MOXD1: variants seen among roughly 807,000 people sequenced by gnomAD.
MOXD1 encodes DBH-like monooxygenase protein 1.
In MOXD1, 62 loss-of-function variants were observed where a neutral mutation model predicts 66.6. That is an observed-to-expected ratio of 0.93 (90% CI 0.76 to 1.15). The LOEUF (loss-of-function observed/expected upper bound fraction) is 1.15. Among genes scored for constraint, MOXD1 ranks in the 50% most tolerant of loss-of-function variants. The pLI is 0.00. For missense variants in MOXD1, 847 were observed against 754.6 expected (o/e 1.12, Z -1.44); for synonymous variants, 303 against 281.9 (o/e 1.07, Z -0.75).
chr6:132,348,780 A>G (rs1434511227), intron 4 of MOXD1, among the ~76,000 whole-genome samples: 1 of 152,164 alleles, frequency 6.6e-6, no homozygotes, highest in African/African-American at 2.4e-5. Context: ...AAGAAATCTA[A>G]CAAAAGAGCA....
intron 4 of MOXD1, among the ~76,000 whole-genome samples, chr6:132,329,286 G>A (rs149413861): frequency 1.3e-5 from 2 of 152,192 alleles, no homozygotes; most frequent in Non-Finnish European, 1.5e-5. Context: ...CCCTACAAAG[G>A]ACACGAACAC....
At chr6:132,325,875 G>A (rs1775174762) in intron 6 of MOXD1, among the ~76,000 whole-genome samples, 1 of 152,120 alleles carries the variant, frequency 6.6e-6, no homozygotes, top group Admixed American at 6.6e-5. Context: ...TCAATCAATT[G>A]TTAAACAAAT....
chr6:132,318,812 T>G (rs1203311714), intron 9 of MOXD1, among the ~76,000 whole-genome samples: 2 of 152,106 alleles, frequency 1.3e-5, no homozygotes, highest in African/African-American at 4.8e-5. Context: ...ATTTAAATAT[T>G]TAATACATCT....
chr6:132,396,998 C>T (rs1776896211), intron 1 of MOXD1, among the ~76,000 whole-genome samples: 1 of 152,154 alleles, frequency 6.6e-6, no homozygotes, highest in Non-Finnish European at 1.5e-5. Context: ...ATCTAGTGGG[C>T]TTGTGACCAC....
At chr6:132,375,651 A>T (rs570910970) in intron 1 of MOXD1, among the ~76,000 whole-genome samples, 29 of 152,098 alleles carry the variant, frequency 1.9e-4, no homozygotes, top group Non-Finnish European at 3.7e-4. Flanking sequence ...CGATCTCCTG[A>T]CCTCGTGATC....
chr6:132,385,299 G>C (rs573181299), intron 1 of MOXD1, among the ~76,000 whole-genome samples: 2 of 152,028 alleles, frequency 1.3e-5, no homozygotes, highest in Non-Finnish European at 2.9e-5. Context: ...ACCAGGGGAG[G>C]GGCTCAGGAC....
At chr6:132,339,075 T>C (rs977311061) in intron 4 of MOXD1, among the ~76,000 whole-genome samples, 1 of 152,220 alleles carries the variant, frequency 6.6e-6, no homozygotes, top group African/African-American at 2.4e-5. Flanking sequence ...TCCATAAATA[T>C]TAATGATATT....
chr6:132,372,574 A>G, intron 4 of MOXD1, 34 bp downstream of exon 4: 1 of 1,528,030 alleles, frequency 6.5e-7, no homozygotes, highest in Non-Finnish European at 9.1e-7. Flanking sequence ...TCCACTCATG[A>G]AAATTAATTT....
chr6:132,303,508 C>A (rs9493278), intron 10 of MOXD1, among the ~76,000 whole-genome samples: 2,823 of 151,868 alleles, frequency 0.019, 89 homozygotes, highest in African/African-American at 0.065. Context: ...CTCCAGATTA[C>A]TTATAATACC....
intron 4 of MOXD1, 131 bp downstream of exon 4, chr6:132,372,477 G>A: frequency 1.2e-6 from 1 of 816,550 alleles, no homozygotes; most frequent in Non-Finnish European, 1.9e-6. Flanking sequence ...AGCCAAGCCA[G>A]TTCTTTTTTC....
At chr6:132,317,821 G>T (rs2114561635) in intron 9 of MOXD1, among the ~76,000 whole-genome samples, 1 of 152,104 alleles carries the variant, frequency 6.6e-6, no homozygotes, top group East Asian at 1.9e-4. Context: ...TCAACCAAAG[G>T]TGATTACTAT....
At chr6:132,390,047 A>G (rs62424861) in intron 1 of MOXD1, among the ~76,000 whole-genome samples, 6,803 of 151,450 alleles carry the variant, frequency 0.045, 347 homozygotes, top group South Asian at 0.08. Flanking sequence ...AGAGAAATAC[A>G]TCAACGCCTA....
rs1286386671 is a variant in MOXD1 at position 132,322,781 on chromosome 6, A to C, written c.1203T>G (p.His401Gln). The change falls in exon 8 of 12, where the codon CAT (histidine) becomes CAG (glutamine). Residue 401 changes from histidine (H) to glutamine (Q), a missense_variant. His to Gln is a conservative substitution (Grantham distance 24). Coordinates refer to ENST00000367963, the MANE Select transcript of MOXD1 (RefSeq NM_015529.4). The stretch of plus-strand genomic sequence containing the variant: ...ATTTCATTTCCTTCCCTTTTCGAAA[A>C]TGACGCAGCCTGATGCCTCTGCCAG... ...HLAGRGIRLR[H>Q]FRKGKEMKLL... 6.2e-7 allele frequency: 1 copy of C among 1,614,134 alleles called. No individual in the cohort carries two copies. The highest frequency in any genetic ancestry group is 8.5e-7 in the Non-Finnish European group (1 of 1,179,998).
intron 1 of MOXD1, among the ~76,000 whole-genome samples, chr6:132,389,337 T>A (rs574553521): frequency 7.3e-5 from 11 of 151,646 alleles, no homozygotes; most frequent in Admixed American, 2.6e-4. Flanking sequence ...AGCCCTTGTT[T>A]AAAACATCAG....
intron 4 of MOXD1, among the ~76,000 whole-genome samples, chr6:132,346,748 A>G (rs1775676352): frequency 6.6e-6 from 1 of 152,260 alleles, no homozygotes; most frequent in Non-Finnish European, 1.5e-5. Context: ...ATCTGCAAGT[A>G]GCACAGCAGA....
At position 132,398,866 on chromosome 6, in the gene MOXD1, G is replaced by C. The variant is rs527326263; in HGVS notation, c.264+2297C>G. ...AGGCACGAGAATCACTTGAACCTGA[G>C]AGGTGAGGTTGCAGTGAGCCGAGAT... On this transcript the variant is annotated intron_variant, in intron 1 of 11. Coordinates refer to ENST00000367963, the MANE Select transcript of MOXD1 (RefSeq NM_015529.4). Among the ~76,000 whole-genome samples, 17 of 150,032 alleles carry C rather than the reference G, an allele frequency of 1.1e-4. No individual in the cohort carries two copies. The South Asian group carries it at 3.6e-3, about 32-fold the overall frequency.
At chr6:132,328,210 C>A (rs1775231153) in intron 5 of MOXD1, 95 bp from the exon 6 acceptor site, 1 of 1,230,954 alleles carries the variant, frequency 8.1e-7, no homozygotes, top group East Asian at 2.4e-5. Context: ...ATATTTCAAC[C>A]CTCTGGAACC....
At chr6:132,375,172 G>C (rs1254619304) in intron 1 of MOXD1, 1 of 237,234 alleles carries the variant, frequency 4.2e-6, no homozygotes, top group Non-Finnish European at 8.1e-6. Context: ...TCAGCCCTAA[G>C]GTCATCACTC....
At chr6:132,333,360 TG>T (rs1775367118) in intron 4 of MOXD1, among the ~76,000 whole-genome samples, 2 of 111,198 alleles carry the variant, frequency 1.8e-5, no homozygotes, top group Non-Finnish European at 3.3e-5. Context: ...AAAAAAATAC[TG>T]ACCCTGTAAT....
Sources: gnomAD v4.1 joint callset for allele counts (sites outside exome capture counted in the v4.1 genomes callset) on GRCh38, gnomAD v4.1.1 for gene constraint, MANE v1.5 for transcripts, NCBI Gene and HGNC (gene_info 2026-07-23, HGNC 2026-07-21) for gene names.